CD247: variants seen among roughly 807,000 people sequenced by gnomAD.
CD247 encodes T-cell surface glycoprotein CD3 zeta chain.
Under a neutral mutation model 30.0 loss-of-function variants are expected in CD247, and 13 were observed. That is an observed-to-expected ratio of 0.43 (90% CI 0.28 to 0.69). CD247 has a LOEUF of 0.69. Among genes scored for constraint, CD247 ranks in the 30% least tolerant of loss-of-function variants. The pLI is 0.16. For missense variants in CD247, 193 were observed against 212.6 expected, an observed-to-expected ratio of 0.91 and a Z score of 0.57; for synonymous variants, 72 against 80.0, an observed-to-expected ratio of 0.90 and a Z score of 0.53.
At chr1:167,455,226 G>C (rs1652582538) in intron 1 of CD247, among the ~76,000 whole-genome samples, 1 of 152,248 alleles carries the variant, frequency 6.6e-6, no homozygotes, top group Non-Finnish European at 1.5e-5. Flanking sequence ...ATTTTAAAGA[G>C]ACGAGCTTCA....
At chr1:167,485,481 G>A (rs1654165238) in intron 1 of CD247, among the ~76,000 whole-genome samples, 1 of 152,170 alleles carries the variant, frequency 6.6e-6, no homozygotes, top group African/African-American at 2.4e-5. Flanking sequence ...GGGGGTGGAA[G>A]CAGAAGCAAA....
chr1:167,498,908 G>A (rs1654798865), intron 1 of CD247, among the ~76,000 whole-genome samples: 2 of 152,334 alleles, frequency 1.3e-5, no homozygotes, highest in East Asian at 3.9e-4. Context: ...GTTTACGGCT[G>A]TCCTCCTTGG....
At chr1:167,499,716 T>C (rs182284421) in intron 1 of CD247, among the ~76,000 whole-genome samples, 8 of 152,282 alleles carry the variant, frequency 5.3e-5, no homozygotes, top group Admixed American at 1.3e-4. Context: ...GCCACAGATA[T>C]GCATGCACAG....
rs1478278399 is a variant in CD247 at position 167,487,306 on chromosome 1, G to A, written c.58+31102C>T. 4.0e-5 allele frequency among the ~76,000 whole-genome samples: 6 copies of A among 148,520 alleles called. No homozygotes were observed. In the South Asian group the frequency reaches 6.5e-4, roughly 16 times the overall value. ...GCAGAGAATCGCTTGAATTCGGGAG[G>A]TGGAGGTTGCAGTGAGCCGAGATCG... On this transcript the variant is annotated intron_variant, in intron 1 of 7. Transcript: ENST00000362089.
chr1:167,440,365 G>C (rs1651768065), intron 2 of CD247: 1 of 458,786 alleles, frequency 2.2e-6, no homozygotes, highest in East Asian at 4.4e-5. Context: ...CTGAGTGTAA[G>C]CCCCTTTGTC....
At chr1:167,441,088 C>T (rs1181674622) in intron 1 of CD247, among the ~76,000 whole-genome samples, 1 of 152,170 alleles carries the variant, frequency 6.6e-6, no homozygotes, top group Non-Finnish European at 1.5e-5. Flanking sequence ...AGAAGCCCAG[C>T]CATGTTAGCC....
intron 1 of CD247, among the ~76,000 whole-genome samples, chr1:167,495,645 C>T (rs1654660253): frequency 1.3e-5 from 2 of 152,196 alleles, no homozygotes; most frequent in Admixed American, 1.3e-4. Context: ...GTCCTTCAAG[C>T]TTGTTTGCAA....
At chr1:167,480,572 A>G (rs1301827349) in intron 1 of CD247, among the ~76,000 whole-genome samples, 1 of 152,216 alleles carries the variant, frequency 6.6e-6, no homozygotes, top group African/African-American at 2.4e-5. Context: ...GCTGTGGAGC[A>G]TGTAAACAAG....
At position 167,518,492 on chromosome 1, in the gene CD247, G is replaced by C. The variant is rs1558038198; in HGVS notation, c.-27C>G. On this transcript the variant is annotated 5_prime_UTR_variant, in exon 1 of 8. Transcript: ENST00000362089. ...TTGTCCTTTCCCTCAGAAAGAGGCT[G>C]GGAGGCAGAGGCTGAGGCAGCGGTG... 1 of 1,609,248 alleles carries C rather than the reference G, an allele frequency of 6.2e-7. No homozygotes were observed. The highest frequency in any genetic ancestry group is 1.7e-5 in the Admixed American group (1 of 60,030).
chr1:167,473,732 T>C (rs991354254), intron 1 of CD247, among the ~76,000 whole-genome samples: 3 of 152,164 alleles, frequency 2.0e-5, no homozygotes, highest in Admixed American at 2.0e-4. Flanking sequence ...CACCTAAGCA[T>C]TCCTGACTGG....
chr1:167,509,382 A>T (rs969311304), intron 1 of CD247, among the ~76,000 whole-genome samples: 1 of 151,768 alleles, frequency 6.6e-6, no homozygotes, highest in African/African-American at 2.4e-5. Flanking sequence ...AAAAAAAAAA[A>T]AAAAAAAAGA....
In CD247 at chr1:167,513,979, C is replaced by G. The variant is rs1655495733; in HGVS notation, c.58+4429G>C. Reference sequence around the variant, plus strand: ...GGTTTTTGTTTTGTTTTTAAAATAACATTGTTTAATACTACGTTCTCTAGA... The same window carrying G: ...GGTTTTTGTTTTGTTTTTAAAATAAGATTGTTTAATACTACGTTCTCTAGA... On this transcript the variant is annotated intron_variant, in intron 1 of 7. Coordinates refer to ENST00000362089, the MANE Select transcript of CD247 (RefSeq NM_198053.3). 4.6e-5 allele frequency among the ~76,000 whole-genome samples: 7 copies of G among 152,270 alleles called. No individual in the cohort carries two copies. The South Asian group carries it at 1.4e-3, about 32-fold the overall frequency.
At chr1:167,483,747 GTGATGACGA>G (rs1228343242) in intron 1 of CD247, among the ~76,000 whole-genome samples, 10 of 152,268 alleles carry the variant, frequency 6.6e-5, no homozygotes, top group Admixed American at 4.6e-4. Flanking sequence ...AATGTGCCCA[GTGATGACGA>G]TGACAATAAC....
intron 1 of CD247, among the ~76,000 whole-genome samples, chr1:167,473,794 C>T (rs1653634061): frequency 6.6e-6 from 1 of 152,232 alleles, no homozygotes; most frequent in African/African-American, 2.4e-5. Flanking sequence ...CCCCTTCTTG[C>T]ACATTGCAGC....
intron 1 of CD247, among the ~76,000 whole-genome samples, chr1:167,481,517 G>C (rs531292552): frequency 3.3e-5 from 5 of 152,174 alleles, no homozygotes; most frequent in African/African-American, 7.2e-5. Flanking sequence ...ATACATTTTG[G>C]TGCCGTCTAT....
chr1:167,512,956 G>A (rs1302393581), intron 1 of CD247, among the ~76,000 whole-genome samples: 1 of 152,230 alleles, frequency 6.6e-6, no homozygotes, highest in Admixed American at 6.5e-5. Flanking sequence ...GTTTTCAACA[G>A]AAGTCTAGAG....
intron 1 of CD247, among the ~76,000 whole-genome samples, chr1:167,446,665 G>A (rs1652094098): frequency 6.6e-6 from 1 of 152,172 alleles, no homozygotes; most frequent in African/African-American, 2.4e-5. Context: ...CCCAGGATGG[G>A]GATACCCACT....
At chr1:167,443,895 G>A (rs1264493517) in intron 1 of CD247, among the ~76,000 whole-genome samples, 1 of 152,186 alleles carries the variant, frequency 6.6e-6, no homozygotes. Flanking sequence ...TGGGCCTGAG[G>A]AAGACAGTCA....
At chr1:167,461,620 C>A (rs776668150) in intron 1 of CD247, among the ~76,000 whole-genome samples, 5 of 152,158 alleles carry the variant, frequency 3.3e-5, no homozygotes, top group African/African-American at 1.2e-4. Flanking sequence ...GAGGCCCAGG[C>A]GGGCGGATCA....
Sources: allele counts gnomAD v4.1 joint callset (sites outside exome capture counted in the v4.1 genomes callset), GRCh38; gene constraint gnomAD v4.1.1; transcripts MANE v1.5; gene names NCBI Gene and HGNC (gene_info 2026-07-23, HGNC 2026-07-21).